The following NOTCH2 variants were observed in gnomAD, a reference collection of about 807,000 sequenced individuals.
The protein encoded by NOTCH2 is neurogenic locus notch homolog protein 2.
Under a neutral mutation model 235.8 loss-of-function variants are expected in NOTCH2, and 29 were observed. The ratio of observed to expected loss-of-function variants is 0.12; its 90% CI spans 0.09 to 0.17. The LOEUF is 0.17. Ranked by LOEUF, NOTCH2 falls within the 10% of genes least tolerant of loss-of-function variation. NOTCH2 has a pLI of 1.00. For missense variants in NOTCH2, 2,285 were observed against 3,150.2 expected, an observed-to-expected ratio of 0.73 and a Z score of 6.57; for synonymous variants, 1,086 against 1,141.5, an observed-to-expected ratio of 0.95 and a Z score of 0.98.
At chr1:119,926,413 G>T in intron 24 of NOTCH2, 86 bp downstream of exon 24, 1 of 1,045,606 alleles carries the variant, frequency 9.6e-7, no homozygotes, top group Non-Finnish European at 1.5e-6. Context: ...TTCGAAGATT[G>T]GTAAAACCAG....
chr1:120,007,066 A>G (rs1189808485), intron 2 of NOTCH2, among the ~76,000 whole-genome samples: 20 of 152,230 alleles, frequency 1.3e-4, no homozygotes, highest in Non-Finnish European at 2.4e-4. Flanking sequence ...CACCCCTCCC[A>G]GAGCTGCATA....
At chr1:120,015,104 A>C (rs1653383664) in intron 2 of NOTCH2, among the ~76,000 whole-genome samples, 2 of 152,094 alleles carry the variant, frequency 1.3e-5, no homozygotes, top group Non-Finnish European at 2.9e-5. Flanking sequence ...ATGCTTTACA[A>C]AACAGCTATT....
Position 119,919,402 on chromosome 1 carries a change from C to A in NOTCH2, c.5691G>T (p.Leu1897=), listed in dbSNP as rs775308556. 3.7e-6 allele frequency: 6 copies of A among 1,613,798 alleles called. No individual in the cohort carries two copies. The highest frequency in any genetic ancestry group is 5.1e-6 in the Non-Finnish European group (6 of 1,180,044). The change falls in exon 31 of 34, where the codon CTG becomes CTT. Residue 1897 remains leucine, a synonymous_variant. Transcript: ENST00000256646. The part of the protein sequence containing the change: ...YSRADAAKRL[L]DAGADANAQD... The stretch of plus-strand genomic sequence containing the variant: ...GGGCATTGGCATCTGCACCTGCATC[C>A]AGGAGACGCTTGGCAGCATCAGCCC...
At chr1:120,006,414 C>G (rs1226531654) in intron 2 of NOTCH2, among the ~76,000 whole-genome samples, 1 of 149,216 alleles carries the variant, frequency 6.7e-6, no homozygotes, top group Non-Finnish European at 1.5e-5. Flanking sequence ...ACTGAGGAAC[C>G]TTTTTACATG....
At chr1:119,919,232 G>A (rs1367050579) in intron 31 of NOTCH2, 80 bp downstream of exon 31, 6 of 1,357,154 alleles carry the variant, frequency 4.4e-6, no homozygotes, top group Non-Finnish European at 6.2e-6. Flanking sequence ...AATTCAATGA[G>A]ATATTAATTC....
chr1:119,983,352 C>A (rs782542503), intron 5 of NOTCH2, among the ~76,000 whole-genome samples: 10 of 151,924 alleles, frequency 6.6e-5, no homozygotes, highest in Admixed American at 3.9e-4. Flanking sequence ...AGGGTTTTGC[C>A]ATGTTACGCA....
In NOTCH2 at chr1:119,922,308, C is replaced by T. The variant is rs2101154306; in HGVS notation, c.5141G>A (p.Gly1714Asp). 1 of 1,614,152 alleles carries T rather than the reference C, an allele frequency of 6.2e-7. No homozygotes were observed. Among genetic ancestry groups the T allele is most frequent in the South Asian group, 1.1e-5 (1 of 91,080 alleles). ...RKHGSLWLPE[G>D]FTLRRDASNH... ...GCTTGCATCTCGGCGAAGAGTGAAA[C>T]CTTCAGGCAGCCAGAGAGAGCCATG... Residue 1714 changes from glycine (G) to aspartate (D), a missense_variant, in exon 28 of 34, where the codon GGT (glycine) becomes GAT (aspartate). Gly to Asp is a moderately conservative substitution (Grantham distance 94). Transcript: ENST00000256646.
chr1:119,963,887 T>C (rs1651035306), intron 10 of NOTCH2, 80 bp from the exon 11 acceptor site: 3 of 1,198,536 alleles, frequency 2.5e-6, no homozygotes, highest in Non-Finnish European at 2.5e-6. Flanking sequence ...GCTACATCCA[T>C]TTACTCTACA....
At position 119,955,085 on chromosome 1, in the gene NOTCH2, A is replaced by T; in HGVS notation, c.2174T>A (p.Leu725Gln). The T allele has an allele frequency of 1.9e-6, 3 of 1,614,078 alleles. No individual in the cohort carries two copies. The highest frequency in any genetic ancestry group is 2.5e-6 in the Non-Finnish European group (3 of 1,179,974). ...GTTTCCATGGATGCAGGGATTGCTC[A>T]GGCATTCGTTCACCTGTGAGTAGCA... ...PSCYSQVNEC[L>Q]SNPCIHGNCT... Residue 725 changes from leucine to glutamine, a missense_variant, in exon 13 of 34, where the codon CTG becomes CAG. Physicochemically the swap from Leu to Gln is moderately radical, Grantham distance 113 (BLOSUM62 -2). Around this residue, in one of 6 missense-constraint regions of NOTCH2, gnomAD observed 1,173 missense variants for 1,515.3 expected, o/e 0.77. Transcript: ENST00000256646.
intron 5 of NOTCH2, 69 bp from the exon 6 acceptor site, chr1:119,969,813 C>T: frequency 7.6e-7 from 1 of 1,312,318 alleles, no homozygotes; most frequent in Non-Finnish European, 1.1e-6. Context: ...ACCAGCCCCC[C>T]ACACTCTTCA....
intron 18 of NOTCH2, 100 bp downstream of exon 18, chr1:119,941,426 C>G: frequency 1.2e-6 from 1 of 830,892 alleles, no homozygotes; most frequent in Non-Finnish European, 2.0e-6. Context: ...ATGTGGACAC[C>G]TCATCCCTGC....
At chr1:119,987,726 A>G (rs1009729658) in intron 4 of NOTCH2, among the ~76,000 whole-genome samples, 1 of 152,206 alleles carries the variant, frequency 6.6e-6, no homozygotes, top group African/African-American at 2.4e-5. Flanking sequence ...TAAGTGCCAC[A>G]TCATGAGTAA....
At chr1:119,950,441 A>C in intron 15 of NOTCH2, 1 of 573,772 alleles carries the variant, frequency 1.7e-6, no homozygotes, top group South Asian at 1.5e-5. Context: ...ATGATAGACA[A>C]CCATCATCTA....
rs782687097 is a variant in NOTCH2 at position 119,966,489 on chromosome 1, C to T, written c.1454G>A (p.Gly485Asp). The T allele has an allele frequency of 6.2e-7, 1 of 1,609,386 alleles. No individual in the cohort carries two copies. Among genetic ancestry groups the T allele is most frequent in the Admixed American group, 1.7e-5 (1 of 59,998 alleles). Residue 485 changes from glycine to aspartate, a missense_variant and splice_region_variant, in exon 9 of 34, where the codon GGT (glycine) becomes GAT (aspartate). Physicochemically the swap from Gly to Asp is moderately conservative, Grantham distance 94. Coordinates refer to ENST00000256646, the MANE Select transcript of NOTCH2 (RefSeq NM_024408.4). ...IGGFTCLCMP[G>D]FKGVHCELEI... ...TAATTCACAATGCACACCTTTGAAA[C>T]CTAAACAAAACAGACCACACAAGTG...
chr1:119,968,167 T>C lies in NOTCH2; in HGVS notation c.1174A>G (p.Thr392Ala), dbSNP rs1651218022. 1 of 1,614,060 alleles carries C rather than the reference T, an allele frequency of 6.2e-7. No homozygotes were observed. The highest frequency in any genetic ancestry group is 2.2e-5 in the East Asian group (1 of 44,868). The change falls in exon 7 of 34, where the codon ACC becomes GCC. Residue 392 changes from threonine to alanine, a missense_variant. Around this residue, in one of 6 missense-constraint regions of NOTCH2, gnomAD observed 431 missense variants for 757.8 expected, o/e 0.57. Coordinates refer to ENST00000256646, the MANE Select transcript of NOTCH2 (RefSeq NM_024408.4). ...ATATATTGCCCATTTAGGGGGTTGG[T>C]GTCACACAGTGCCCCCTTGTGGCAA... is the stretch of plus-strand genomic sequence containing the variant. ...NPCHKGALCD[T>A]NPLNGQYICT... is the part of the protein sequence containing the mutation.
rs749235944 is a variant in NOTCH2 at position 119,915,868 on chromosome 1, T to C, written c.6854A>G (p.Gln2285Arg). 6.8e-6 allele frequency: 11 copies of C among 1,614,162 alleles called. No individual in the cohort carries two copies. The highest frequency in any genetic ancestry group is 9.3e-6 in the Non-Finnish European group (11 of 1,180,020). The change falls in exon 34 of 34, where the codon CAG (glutamine) becomes CGG (arginine). Residue 2285 changes from glutamine to arginine, a missense_variant. Around this residue, in one of 6 missense-constraint regions of NOTCH2, gnomAD observed 504 missense variants for 538.0 expected, o/e 0.94. Transcript: ENST00000256646. ...AEGTHPGIAP[Q>R]SRPPEGKHIT... ...GTGCTTCCCTTCAGGTGGCCTGCTC[T>C]GGGGAGCTATGCCAGGATGGGTGCC...
At chr1:119,971,452 A>G (rs1570703679) in intron 5 of NOTCH2, among the ~76,000 whole-genome samples, 1 of 152,340 alleles carries the variant, frequency 6.6e-6, no homozygotes, top group South Asian at 2.1e-4. Context: ...AAATTATTGG[A>G]GTAGGACCAC....
chr1:119,940,928 C>T (rs1417325351), intron 18 of NOTCH2, among the ~76,000 whole-genome samples, 172 bp from the exon 19 acceptor site: 1 of 152,240 alleles, frequency 6.6e-6, no homozygotes, highest in African/African-American at 2.4e-5. Context: ...GAGGTGCCCA[C>T]TTCCTTTCTA....
At chr1:119,976,769 A>G (rs1553200993) in intron 5 of NOTCH2, among the ~76,000 whole-genome samples, 1 of 151,870 alleles carries the variant, frequency 6.6e-6, no homozygotes, top group Non-Finnish European at 1.5e-5. Flanking sequence ...AGCTCCAGCC[A>G]CTCTGGGCTT....
Sources: gnomAD v4.1 joint callset for allele counts (sites outside exome capture counted in the v4.1 genomes callset) on GRCh38, gnomAD v4.1.1 for gene constraint, gnomAD v4.1.1 regional missense constraint, MANE v1.5 for transcripts, NCBI Gene and HGNC (gene_info 2026-07-23, HGNC 2026-07-21) for gene names.